RNLS: variants seen among roughly 807,000 people sequenced by gnomAD.
RNLS encodes the protein renalase, FAD dependent amine oxidase.
Under a neutral mutation model 39.8 loss-of-function variants are expected in RNLS, and 39 were observed. The ratio of observed to expected loss-of-function variants is 0.98; its 90% CI spans 0.76 to 1.28. The LOEUF (loss-of-function observed/expected upper bound fraction) is 1.28. Among genes scored for constraint, RNLS ranks in the 50% most tolerant of loss-of-function variants. The probability of loss-of-function intolerance (pLI) is 0.00; values close to 1 mark genes in which losing one functional copy is unlikely to be tolerated. For synonymous variants in RNLS, 147 were observed against 150.7 expected (o/e 0.98, Z 0.18); for missense variants, 410 against 413.3 (o/e 0.99, Z 0.07).
intron 4 of RNLS, among the ~76,000 whole-genome samples, chr10:88,485,855 A>G (rs17096280): frequency 0.068 from 10,279 of 152,020 alleles, 848 homozygotes; most frequent in African/African-American, 0.19. Flanking sequence ...TTGACACTGA[A>G]AATTTCTTTC....
At chr10:88,383,322 A>G (rs1851663550) in intron 4 of RNLS, among the ~76,000 whole-genome samples, 1 of 152,128 alleles carries the variant, frequency 6.6e-6, no homozygotes, top group Non-Finnish European at 1.5e-5. Context: ...TTTGGAAATG[A>G]GCTTTCCTAC....
At chr10:88,566,891 C>T (rs1027240095) in intron 4 of RNLS, among the ~76,000 whole-genome samples, 1 of 151,718 alleles carries the variant, frequency 6.6e-6, no homozygotes, top group African/African-American at 2.4e-5. Context: ...AAAATGAACA[C>T]AAAACTAGTA....
chr10:88,531,806 T>G (rs933371352), intron 4 of RNLS, among the ~76,000 whole-genome samples: 2 of 152,096 alleles, frequency 1.3e-5, no homozygotes, highest in African/African-American at 2.4e-5. Context: ...TACTTTTTGC[T>G]CTGGTGTAGA....
chr10:88,511,298 A>C (rs2134155430), intron 4 of RNLS, among the ~76,000 whole-genome samples: 1 of 152,250 alleles, frequency 6.6e-6, no homozygotes, highest in African/African-American at 2.4e-5. Context: ...CCAAAATGTG[A>C]GATGTCAAAG....
intron 5 of RNLS, among the ~76,000 whole-genome samples, chr10:88,352,844 T>G (rs993011167): frequency 6.6e-6 from 1 of 152,178 alleles, no homozygotes; most frequent in African/African-American, 2.4e-5. Flanking sequence ...CTTTTTTTGG[T>G]TGGTAAGCTA....
chr10:88,504,381 T>C (rs1845671087), intron 4 of RNLS, among the ~76,000 whole-genome samples: 1 of 152,076 alleles, frequency 6.6e-6, no homozygotes, highest in Non-Finnish European at 1.5e-5. Context: ...CCAAAGAATG[T>C]ATAATGAATA....
At chr10:88,415,655 T>A (rs1157406936) in intron 4 of RNLS, among the ~76,000 whole-genome samples, 1 of 152,202 alleles carries the variant, frequency 6.6e-6, no homozygotes, top group Non-Finnish European at 1.5e-5. Context: ...GTGCTAATAA[T>A]AGTCCCGTCT....
At position 88,575,333 on chromosome 10, in the gene RNLS, C is replaced by A. The variant is rs180831992; in HGVS notation, c.368-2272G>T. ...CTAAGTATGAACCCCAGACCAGCAG[C>A]ACCTATGTACTAGAAAATGCACATT... On this transcript the variant is annotated intron_variant, in intron 3 of 6. Coordinates refer to ENST00000331772, the MANE Select transcript of RNLS (RefSeq NM_001031709.3). Among the ~76,000 whole-genome samples, 29 of 150,858 alleles carry A rather than the reference C, an allele frequency of 1.9e-4. 1 individual carries two copies. The highest frequency in any genetic ancestry group is 6.1e-4 in the African/African-American group (25 of 41,046).
chr10:88,190,255 T>C, the RNLS span, among the ~76,000 whole-genome samples: 147 of 152,370 alleles, frequency 9.6e-4, 1 homozygote, highest in African/African-American at 3.5e-3. Flanking sequence ...TTTCAATCCC[T>C]CAGACCTGGA....
intron 4 of RNLS, among the ~76,000 whole-genome samples, chr10:88,454,286 C>T (rs370901280): frequency 2.0e-5 from 3 of 152,094 alleles, no homozygotes; most frequent in African/African-American, 7.2e-5. Flanking sequence ...AATTAGGAGG[C>T]CTTGGTGCCA....
At chr10:88,575,282 G>GTA (rs534423514) in intron 3 of RNLS, among the ~76,000 whole-genome samples, 1,452 of 135,876 alleles carry the variant, frequency 0.011, 28 homozygotes, top group South Asian at 0.07. Context: ...GTGTGTGTGT[G>GTA]TATATATATA....
intron 4 of RNLS, among the ~76,000 whole-genome samples, chr10:88,506,883 A>G (rs1845825859): frequency 6.6e-6 from 1 of 152,142 alleles, no homozygotes; most frequent in Non-Finnish European, 1.5e-5. Context: ...GAAGTGGCAG[A>G]GTGGAGGTAA....
chr10:88,248,589 G>A, the RNLS span, among the ~76,000 whole-genome samples: 3 of 152,068 alleles, frequency 2.0e-5, no homozygotes, highest in South Asian at 2.1e-4. Flanking sequence ...ATTTTTCAAC[G>A]CTCAATCTTT....
chr10:88,576,048 T>C (rs548948634), intron 3 of RNLS, among the ~76,000 whole-genome samples: 1 of 152,306 alleles, frequency 6.6e-6, no homozygotes, highest in African/African-American at 2.4e-5. Context: ...ACCTTTCAGG[T>C]ACCCATGAAA....
intron 4 of RNLS, among the ~76,000 whole-genome samples, chr10:88,441,543 G>A (rs576980103): frequency 6.6e-6 from 1 of 152,296 alleles, no homozygotes; most frequent in Admixed American, 6.5e-5. Context: ...TAAATGCTAG[G>A]TTTGGGATGC....
intron 4 of RNLS, among the ~76,000 whole-genome samples, chr10:88,413,731 T>C (rs754858037): frequency 4.6e-5 from 7 of 152,226 alleles, no homozygotes; most frequent in Non-Finnish European, 1.0e-4. Context: ...GGTTGACAGA[T>C]AGGATTTGTT....
the RNLS span, among the ~76,000 whole-genome samples, chr10:88,267,175 C>T: frequency 3.3e-5 from 5 of 152,132 alleles, no homozygotes; most frequent in South Asian, 8.3e-4. Flanking sequence ...ACCATAAATT[C>T]TAGTTTTAGT....
chr10:88,360,826 T>C (rs1272181922), intron 5 of RNLS, among the ~76,000 whole-genome samples: 1 of 152,146 alleles, frequency 6.6e-6, no homozygotes, highest in Non-Finnish European at 1.5e-5. Flanking sequence ...GATGTCAGTA[T>C]TGGGAGTGGA....
chr10:88,440,618 C>G (rs1421690835), intron 4 of RNLS, among the ~76,000 whole-genome samples: 2 of 152,210 alleles, frequency 1.3e-5, no homozygotes, highest in Admixed American at 1.3e-4. Flanking sequence ...GGCTTTTCCT[C>G]AGTCAGGTTT....
Sources: allele counts gnomAD v4.1 joint callset (sites outside exome capture counted in the v4.1 genomes callset), GRCh38; gene constraint gnomAD v4.1.1; transcripts MANE v1.5; gene names NCBI Gene and HGNC (gene_info 2026-07-23, HGNC 2026-07-21).